BTF3L4: variants seen among roughly 807,000 people sequenced by gnomAD.
BTF3L4 encodes basic transcription factor 3 like 4, also known as transcription factor BTF3 homolog 4.
In BTF3L4, 6 loss-of-function variants were observed where a neutral mutation model predicts 16.8. The observed-to-expected ratio is 0.36, with a 90% CI of 0.20 to 0.71. The LOEUF (loss-of-function observed/expected upper bound fraction) is 0.71, where lower values mean the gene tolerates loss of function less well. BTF3L4 is among the 30% of genes least tolerant of loss of function. BTF3L4 has a pLI of 0.58. For missense variants in BTF3L4, 92 were observed against 186.9 expected (o/e 0.49, Z 2.96); for synonymous variants, 39 against 59.8 (o/e 0.65, Z 1.60).
At chr1:52,079,766 C>T (rs1340604368) in intron 3 of BTF3L4, among the ~76,000 whole-genome samples, 1 of 151,988 alleles carries the variant, frequency 6.6e-6, no homozygotes, top group Non-Finnish European at 1.5e-5. Flanking sequence ...TATCTATATA[C>T]CTGTGTTGTT....
At chr1:52,074,459 G>A (rs1686878437) in intron 3 of BTF3L4, among the ~76,000 whole-genome samples, 1 of 151,992 alleles carries the variant, frequency 6.6e-6, no homozygotes, top group Admixed American at 6.6e-5. Context: ...GGCCTCCCAG[G>A]TTCAAGCGAT....
At chr1:52,072,722 A>T (rs890604495) in intron 3 of BTF3L4, among the ~76,000 whole-genome samples, 17 of 152,188 alleles carry the variant, frequency 1.1e-4, no homozygotes, top group African/African-American at 4.1e-4. Flanking sequence ...ATCCATCCTT[A>T]TTGGCATGTT....
Position 52,089,480 on chromosome 1 carries a change from G to T in BTF3L4, c.*2722G>T, listed in dbSNP as rs897095662. The T allele has an allele frequency of 6.6e-6, 1 of 152,098 alleles. No individual in the cohort carries two copies. The highest frequency in any genetic ancestry group is 2.4e-5 in the African/African-American group (1 of 41,408). 9.4% of individuals were successfully genotyped at this position (152,098 alleles called of 1,614,324 possible). Reference sequence around the variant, plus strand: ...AGTTTGGATGAAACTTTTGTAAATTGTAGTGTTCTTGGCATAAATATGAAT... The same window carrying T: ...AGTTTGGATGAAACTTTTGTAAATTTTAGTGTTCTTGGCATAAATATGAAT... On this transcript the variant is annotated 3_prime_UTR_variant, in exon 6 of 6. Coordinates refer to ENST00000313334, the MANE Select transcript of BTF3L4 (RefSeq NM_152265.5).
rs1643991835 is a variant in BTF3L4 at position 52,088,549 on chromosome 1, A to G, written c.*1791A>G. On this transcript the variant is annotated 3_prime_UTR_variant, in exon 6 of 6. Transcript: ENST00000313334. Reference sequence around the variant, plus strand: ...AGTAGCTCCACAGTCTACACAGTCCAGAATTCTTTCTCTAATTGTCCCAAA... The same window carrying G: ...AGTAGCTCCACAGTCTACACAGTCCGGAATTCTTTCTCTAATTGTCCCAAA... 1 of 152,638 alleles carries G rather than the reference A, an allele frequency of 6.6e-6. No individual in the cohort carries two copies. The highest frequency in any genetic ancestry group is 1.5e-5 in the Non-Finnish European group (1 of 68,058). 9.5% of individuals were successfully genotyped at this position (152,638 alleles called of 1,614,324 possible).
intron 2 of BTF3L4, chr1:52,060,464 G>A: frequency 7.9e-7 from 1 of 1,269,576 alleles, no homozygotes; most frequent in Non-Finnish European, 1.0e-6. Flanking sequence ...CTTCCATGTT[G>A]GTGAATATGA....
intron 3 of BTF3L4, among the ~76,000 whole-genome samples, chr1:52,065,579 T>C (rs1686626864): frequency 6.6e-6 from 1 of 152,042 alleles, no homozygotes; most frequent in Non-Finnish European, 1.5e-5. Context: ...CTTTTTTTTA[T>C]TATTTAAGAT....
chr1:52,083,790 C>T (rs1458634439), intron 4 of BTF3L4, among the ~76,000 whole-genome samples: 2 of 151,984 alleles, frequency 1.3e-5, no homozygotes, highest in Non-Finnish European at 2.9e-5. Context: ...GAGGCCGAGA[C>T]GGGCAGATTG....
intron 1 of BTF3L4, among the ~76,000 whole-genome samples, chr1:52,059,268 C>T (rs184157468): frequency 3.6e-4 from 55 of 152,336 alleles, no homozygotes; most frequent in African/African-American, 1.3e-3. Flanking sequence ...CCATTATTAA[C>T]ATACCATCTG....
intron 2 of BTF3L4, among the ~76,000 whole-genome samples, chr1:52,063,626 G>C (rs1686574368): frequency 6.6e-6 from 1 of 152,100 alleles, no homozygotes; most frequent in East Asian, 1.9e-4. Context: ...AACTGATCCA[G>C]GAATCCATTA....
At chr1:52,057,752 C>T (rs1255681559) in intron 1 of BTF3L4, among the ~76,000 whole-genome samples, 1 of 152,202 alleles carries the variant, frequency 6.6e-6, no homozygotes, top group East Asian at 1.9e-4. Context: ...CCCCTACTGC[C>T]TTGAGCTCTC....
rs1406835497 is a variant in BTF3L4 at position 52,087,488 on chromosome 1, A to G, written c.*730A>G. ...CAAATGGCCTGGTCAGCTTTTGGTA[A>G]TATTCTTCCTCATCTTCCACCTAGC... On this transcript the variant is annotated 3_prime_UTR_variant, in exon 6 of 6. Transcript: ENST00000313334. 6.6e-6 allele frequency: 1 copy of G among 152,102 alleles called. No homozygotes were observed. The highest frequency in any genetic ancestry group is 1.9e-4 in the East Asian group (1 of 5,186). 9.4% of individuals were successfully genotyped at this position (152,102 alleles called of 1,614,324 possible).
intron 3 of BTF3L4, among the ~76,000 whole-genome samples, chr1:52,065,933 G>A (rs1686637120): frequency 6.6e-6 from 1 of 151,986 alleles, no homozygotes; most frequent in Non-Finnish European, 1.5e-5. Context: ...AGCTACTCGG[G>A]AGGCTAAGGC....
intron 3 of BTF3L4, among the ~76,000 whole-genome samples, chr1:52,070,557 C>CAA (rs200740908): frequency 0.044 from 4,576 of 103,760 alleles, 157 homozygotes; most frequent in Non-Finnish European, 0.058. Flanking sequence ...GACTCCATCT[C>CAA]AAAAAAAAAA....
intron 3 of BTF3L4, among the ~76,000 whole-genome samples, chr1:52,065,573 T>G (rs890454720): frequency 1.3e-5 from 2 of 152,008 alleles, no homozygotes; most frequent in Admixed American, 6.6e-5. Context: ...GCCAGACTTT[T>G]TTTTATTATT....
At chr1:52,074,921 A>G (rs923773939) in intron 3 of BTF3L4, among the ~76,000 whole-genome samples, 1 of 151,086 alleles carries the variant, frequency 6.6e-6, no homozygotes, top group Admixed American at 6.6e-5. Flanking sequence ...ATGCCTGGCT[A>G]CTTTTTAGAA....
rs1196638308 is a variant in BTF3L4, at chr1:52,090,515, C to T, written c.*3757C>T. ...GATCCACTCTCTCCAGCCCATTACA[C>T]AGGAGCCAGCTACCTAAATTTCCTA... is the stretch of plus-strand genomic sequence containing the variant. On this transcript the variant is annotated 3_prime_UTR_variant, in exon 6 of 6. Transcript: ENST00000313334. The T allele has an allele frequency of 6.6e-6, 1 of 152,170 alleles. No individual in the cohort carries two copies. Among genetic ancestry groups the T allele is most frequent in the Non-Finnish European group, 1.5e-5 (1 of 68,034 alleles). The allele number at this position is 152,170 out of a possible 1,614,324, so 9.4% of individuals were successfully genotyped here.
At chr1:52,084,254 C>G (rs1335468320) in intron 4 of BTF3L4, among the ~76,000 whole-genome samples, 1 of 152,040 alleles carries the variant, frequency 6.6e-6, no homozygotes, top group East Asian at 1.9e-4. Flanking sequence ...ATTTTCATGC[C>G]TCAGCCTCCC....
intron 1 of BTF3L4, among the ~76,000 whole-genome samples, chr1:52,058,926 A>G (rs1423974940): frequency 2.0e-5 from 3 of 152,134 alleles, no homozygotes; most frequent in East Asian, 1.9e-4. Context: ...TTGTTTATGT[A>G]ATGTGGAATG....
intron 1 of BTF3L4, among the ~76,000 whole-genome samples, chr1:52,057,412 T>C (rs551269860): frequency 1.8e-4 from 28 of 152,326 alleles, no homozygotes; most frequent in African/African-American, 6.3e-4. Context: ...TCATGTGGCT[T>C]TAGGAAGTTA....
Sources: gnomAD v4.1 joint callset for allele counts (sites outside exome capture counted in the v4.1 genomes callset) on GRCh38, gnomAD v4.1.1 for gene constraint, MANE v1.5 for transcripts, NCBI Gene and HGNC (gene_info 2026-07-23, HGNC 2026-07-21) for gene names.